The following SLX4IP variants were observed in gnomAD, a reference collection of about 807,000 sequenced individuals.
The protein encoded by SLX4IP is protein SLX4IP.
SLX4IP carries 34 observed loss-of-function variants against 32.9 expected under a neutral mutation model. That is an observed-to-expected ratio of 1.03 (90% CI 0.79 to 1.38). The LOEUF (loss-of-function observed/expected upper bound fraction) is 1.38. Ranked by LOEUF, SLX4IP falls within the 40% of genes most tolerant of loss-of-function variation. The probability of loss-of-function intolerance (pLI) is 0.00; values close to 1 mark genes in which losing one functional copy is unlikely to be tolerated. For synonymous variants in SLX4IP, 172 were observed against 171.7 expected, an observed-to-expected ratio of 1.00 and a Z score of -0.01; for missense variants, 444 against 479.0, an observed-to-expected ratio of 0.93 and a Z score of 0.68.
At chr20:10,595,822 A>G (rs6074159) in intron 4 of SLX4IP, among the ~76,000 whole-genome samples, 16,720 of 152,262 alleles carry the variant, frequency 0.11, 1,243 homozygotes, top group Non-Finnish European at 0.17. Flanking sequence ...ACAAAGTTTC[A>G]TATGACCAGT....
intron 5 of SLX4IP, among the ~76,000 whole-genome samples, chr20:10,600,894 T>A (rs1481117971): frequency 6.6e-6 from 1 of 152,166 alleles, no homozygotes; most frequent in Admixed American, 6.5e-5. Flanking sequence ...CCCACCCGCC[T>A]GGAACATACC....
At chr20:10,562,821 A>G (rs2066347619) in intron 4 of SLX4IP, among the ~76,000 whole-genome samples, 1 of 152,226 alleles carries the variant, frequency 6.6e-6, no homozygotes, top group African/African-American at 2.4e-5. Flanking sequence ...TCTGGTGATG[A>G]ACATTTAGAT....
rs533132306 is a variant in SLX4IP, at chr20:10,459,190, C to A, written c.27+959C>A. ...AGAAGAGTCTATTTACGTCCTTTGC[C>A]TACTTTTTAATGGCGTCATTTGTTT... On this transcript the variant is annotated intron_variant, in intron 2 of 7. Coordinates refer to ENST00000334534, the MANE Select transcript of SLX4IP (RefSeq NM_001009608.3). Among the ~76,000 whole-genome samples the A allele has an allele frequency of 2.0e-5, 3 of 152,230 alleles. No homozygotes were observed. In the South Asian group the frequency reaches 6.2e-4, roughly 32 times the overall value.
intron 4 of SLX4IP, among the ~76,000 whole-genome samples, chr20:10,572,272 G>C (rs890152404): frequency 2.0e-5 from 3 of 152,186 alleles, no homozygotes; most frequent in Non-Finnish European, 4.4e-5. Flanking sequence ...CTGACACCGG[G>C]TTTGTCCTCA....
chr20:10,514,470 A>G (rs1427946564), intron 2 of SLX4IP, among the ~76,000 whole-genome samples: 3 of 152,214 alleles, frequency 2.0e-5, no homozygotes, highest in Non-Finnish European at 4.4e-5. Context: ...ATCTGCAAAC[A>G]GTTAGCTTTC....
intron 2 of SLX4IP, among the ~76,000 whole-genome samples, chr20:10,510,716 C>T (rs1017202605): frequency 3.3e-5 from 5 of 151,862 alleles, no homozygotes; most frequent in African/African-American, 4.8e-5. Flanking sequence ...GTGATTGTCC[C>T]GCCTCAGCCT....
intron 6 of SLX4IP, among the ~76,000 whole-genome samples, chr20:10,616,252 G>C (rs2067028147): frequency 1.3e-5 from 2 of 151,822 alleles, no homozygotes; most frequent in Non-Finnish European, 2.9e-5. Context: ...CCAAGGAGCA[G>C]GCTCTTCTCC....
At chr20:10,443,381 GAGTT>G (rs1447890850) in intron 1 of SLX4IP, among the ~76,000 whole-genome samples, 1 of 152,216 alleles carries the variant, frequency 6.6e-6, no homozygotes, top group East Asian at 1.9e-4. Context: ...GAGAGGACCA[GAGTT>G]AGTTATAATT....
intron 2 of SLX4IP, among the ~76,000 whole-genome samples, chr20:10,463,571 C>T (rs1229049780): frequency 6.6e-6 from 1 of 152,020 alleles, no homozygotes; most frequent in Non-Finnish European, 1.5e-5. Flanking sequence ...TGAAAGATTT[C>T]TTCAACAAAA....
At chr20:10,534,471 C>T (rs2066019930) in intron 2 of SLX4IP, among the ~76,000 whole-genome samples, 1 of 152,122 alleles carries the variant, frequency 6.6e-6, no homozygotes, top group African/African-American at 2.4e-5. Context: ...ATGATGCTGC[C>T]TGCAAGATAA....
chr20:10,620,840 C>A (rs2067101984), intron 6 of SLX4IP, among the ~76,000 whole-genome samples: 1 of 152,176 alleles, frequency 6.6e-6, no homozygotes, highest in African/African-American at 2.4e-5. Flanking sequence ...CAGGCGTGAG[C>A]CACTGCACCC....
chr20:10,627,420 T>C lies in SLX4IP; in HGVS notation c.*4041T>C, dbSNP rs974220498. The C allele has an allele frequency of 6.6e-6, 1 of 152,236 alleles. No individual in the cohort carries two copies. The highest frequency in any genetic ancestry group is 2.4e-5 in the African/African-American group (1 of 41,460). The allele number at this position is 152,236 out of a possible 1,614,324, so 9.4% of individuals were successfully genotyped here. On this transcript the variant is annotated 3_prime_UTR_variant, in exon 8 of 8. Coordinates refer to ENST00000334534, the MANE Select transcript of SLX4IP (RefSeq NM_001009608.3). ...TAAATTAAGCATTGTAAAACGAAGT[T>C]AATTCAGGTAATTACTCAGTACAGA... is the stretch of plus-strand genomic sequence containing the variant.
At chr20:10,608,154 G>A (rs1171130378) in intron 6 of SLX4IP, among the ~76,000 whole-genome samples, 3 of 152,162 alleles carry the variant, frequency 2.0e-5, no homozygotes, top group African/African-American at 4.8e-5. Context: ...TAGGAAAAAC[G>A]TGGTGGGGAA....
chr20:10,464,597 C>G (rs1721327538), intron 2 of SLX4IP, among the ~76,000 whole-genome samples: 1 of 152,122 alleles, frequency 6.6e-6, no homozygotes, highest in Admixed American at 6.5e-5. Context: ...GATGCAGCCA[C>G]TTTTGACTGG....
At chr20:10,608,429 G>A (rs995511465) in intron 6 of SLX4IP, among the ~76,000 whole-genome samples, 3 of 152,106 alleles carry the variant, frequency 2.0e-5, no homozygotes, top group Non-Finnish European at 4.4e-5. Context: ...ACTTTGGGAG[G>A]CCGAGGCGGG....
chr20:10,555,528 A>G (rs2066257492), intron 2 of SLX4IP, among the ~76,000 whole-genome samples: 1 of 152,256 alleles, frequency 6.6e-6, no homozygotes, highest in Non-Finnish European at 1.5e-5. Context: ...CAGCAGCCAC[A>G]TATGGCCACA....
intron 2 of SLX4IP, among the ~76,000 whole-genome samples, chr20:10,478,912 A>G (rs1397168461): frequency 6.6e-6 from 1 of 152,242 alleles, no homozygotes; most frequent in Non-Finnish European, 1.5e-5. Flanking sequence ...GTGAGATGGT[A>G]TGCAAAGAGG....
At chr20:10,504,093 G>A (rs1047323580) in intron 2 of SLX4IP, among the ~76,000 whole-genome samples, 1 of 152,184 alleles carries the variant, frequency 6.6e-6, no homozygotes, top group Non-Finnish European at 1.5e-5. Context: ...CAGCAGCCAT[G>A]AAGAAAGCCT....
In SLX4IP at chr20:10,623,389, G is replaced by A. The variant is rs146240259; in HGVS notation, c.*10G>A. On this transcript the variant is annotated 3_prime_UTR_variant, in exon 8 of 8. Transcript: ENST00000334534. ...CGAAAGAGGCCATTAACACCGAAGA[G>A]GTTTGTACCGTTGGAGTTGAGGACA... The A allele has an allele frequency of 6.9e-6, 11 of 1,596,882 alleles. No homozygotes were observed. The highest frequency in any genetic ancestry group is 4.1e-5 in the African/African-American group (3 of 73,986).
Sources: allele counts gnomAD v4.1 joint callset (sites outside exome capture counted in the v4.1 genomes callset), GRCh38; gene constraint gnomAD v4.1.1; transcripts MANE v1.5; gene names NCBI Gene and HGNC (gene_info 2026-07-23, HGNC 2026-07-21).